RGS6: variants seen among roughly 807,000 people sequenced by gnomAD.
RGS6 encodes regulator of G-protein signaling 6.
Under a neutral mutation model 78.5 loss-of-function variants are expected in RGS6, and 30 were observed. The ratio of observed to expected loss-of-function variants is 0.38; its 90% CI spans 0.29 to 0.52. The LOEUF is 0.52. RGS6 is among the 20% of genes least tolerant of loss of function. The probability of loss-of-function intolerance (pLI) is 0.85; values close to 1 mark genes in which losing one functional copy is unlikely to be tolerated. For missense variants in RGS6, 495 were observed against 609.7 expected, an observed-to-expected ratio of 0.81 and a Z score of 1.98; for synonymous variants, 206 against 206.0, an observed-to-expected ratio of 1.00 and a Z score of 0.00.
the RGS6 span, among the ~76,000 whole-genome samples, chr14:71,890,495 T>C: frequency 6.6e-6 from 1 of 152,118 alleles, no homozygotes; most frequent in African/African-American, 2.4e-5. Context: ...GTCAGATGCT[T>C]TTGATGAGCA....
intron 2 of RGS6, among the ~76,000 whole-genome samples, chr14:72,257,061 G>C (rs1162022494): frequency 1.3e-5 from 2 of 152,160 alleles, no homozygotes; most frequent in Admixed American, 1.3e-4. Flanking sequence ...TTTTGCCAGT[G>C]GTGTTAGAAG....
At chr14:72,110,025 T>C (rs559191207) in intron 2 of RGS6, among the ~76,000 whole-genome samples, 2 of 152,326 alleles carry the variant, frequency 1.3e-5, no homozygotes, top group Non-Finnish European at 2.9e-5. Context: ...CTTTCTGACA[T>C]TGAGTGTGTG....
intron 2 of RGS6, among the ~76,000 whole-genome samples, chr14:72,201,444 C>G (rs972747715): frequency 2.0e-5 from 3 of 152,168 alleles, no homozygotes; most frequent in Admixed American, 2.0e-4. Context: ...GGGGAATTCT[C>G]CCTTAGAATT....
chr14:72,536,804 C>T (rs574853254), intron 16 of RGS6, among the ~76,000 whole-genome samples: 1 of 152,200 alleles, frequency 6.6e-6, no homozygotes, highest in South Asian at 2.1e-4. Context: ...TCCTTGACAC[C>T]CCCTTCCTCT....
the RGS6 span, among the ~76,000 whole-genome samples, chr14:72,618,605 A>G: frequency 6.6e-6 from 1 of 152,042 alleles, no homozygotes; most frequent in Non-Finnish European, 1.5e-5. Context: ...CCTTGGCACC[A>G]TTTCCACAAT....
chr14:71,889,032 T>C, the RGS6 span, among the ~76,000 whole-genome samples: 6 of 152,144 alleles, frequency 3.9e-5, no homozygotes, highest in African/African-American at 1.4e-4. Flanking sequence ...AGATGCATGA[T>C]ATTGTCATGG....
At chr14:71,957,810 G>C (rs2092905395) in intron 1 of RGS6, among the ~76,000 whole-genome samples, 1 of 152,072 alleles carries the variant, frequency 6.6e-6, no homozygotes, top group Non-Finnish European at 1.5e-5. Flanking sequence ...CTGTCGCCCT[G>C]GCTGGAGTGC....
At chr14:72,122,739 CGTT>C (rs2096081595) in intron 2 of RGS6, among the ~76,000 whole-genome samples, 1 of 125,322 alleles carries the variant, frequency 8.0e-6, no homozygotes, top group African/African-American at 3.2e-5. Context: ...TCTAAGTTAT[CGTT>C]TTTTTTTTTT....
At chr14:72,418,359 G>A (rs1442618685) in intron 3 of RGS6, among the ~76,000 whole-genome samples, 3 of 152,048 alleles carry the variant, frequency 2.0e-5, no homozygotes, top group Non-Finnish European at 4.4e-5. Flanking sequence ...TAGAGATGGG[G>A]TTTCACCATG....
At chr14:72,434,343 G>C (rs754750682) in intron 3 of RGS6, among the ~76,000 whole-genome samples, 15 of 152,090 alleles carry the variant, frequency 9.9e-5, no homozygotes, top group Non-Finnish European at 1.9e-4. Context: ...TCTCTAAAAA[G>C]TTTTCATTTT....
chr14:72,514,990 A>G (rs1266585248), intron 14 of RGS6, among the ~76,000 whole-genome samples: 1 of 152,224 alleles, frequency 6.6e-6, no homozygotes. Flanking sequence ...GATGGCCAAC[A>G]CTAACCAAAG....
the RGS6 span, among the ~76,000 whole-genome samples, chr14:71,876,752 T>C: frequency 6.6e-6 from 1 of 152,132 alleles, no homozygotes; most frequent in Non-Finnish European, 1.5e-5. Flanking sequence ...CGTTAGTAGA[T>C]GCAGTTTCTT....
At chr14:72,340,894 T>G (rs939496898) in intron 2 of RGS6, among the ~76,000 whole-genome samples, 2 of 152,188 alleles carry the variant, frequency 1.3e-5, no homozygotes, top group Non-Finnish European at 2.9e-5. Flanking sequence ...CAGAAAGTTA[T>G]GTTCCAGAGG....
chr14:72,273,765 G>A (rs2060281450), intron 2 of RGS6, among the ~76,000 whole-genome samples: 1 of 152,192 alleles, frequency 6.6e-6, no homozygotes, highest in African/African-American at 2.4e-5. Context: ...TTGGGTGGCT[G>A]TGAGCAGATC....
chr14:72,167,574 C>T (rs1489426779), intron 2 of RGS6, among the ~76,000 whole-genome samples: 3 of 152,154 alleles, frequency 2.0e-5, no homozygotes, highest in Non-Finnish European at 4.4e-5. Flanking sequence ...CATAACAGTT[C>T]TCTGAAAGGA....
the RGS6 span, among the ~76,000 whole-genome samples, chr14:71,903,447 G>C: frequency 5.6e-3 from 849 of 152,342 alleles, 7 homozygotes; most frequent in South Asian, 0.022. Flanking sequence ...TCTGGATAAA[G>C]GTCATGGGAA....
chr14:72,069,564 G>A (rs1157678676), intron 2 of RGS6, among the ~76,000 whole-genome samples: 2 of 151,944 alleles, frequency 1.3e-5, no homozygotes, highest in South Asian at 2.1e-4. Flanking sequence ...TTTCAAGACA[G>A]GGTCACATTC....
chr14:72,623,515 T>G, the RGS6 span, among the ~76,000 whole-genome samples: 6 of 152,202 alleles, frequency 3.9e-5, no homozygotes, highest in Admixed American at 3.9e-4. Flanking sequence ...GTTCAGCAAT[T>G]ATATTATTGG....
At chr14:72,069,895 T>C (rs1420325607) in intron 2 of RGS6, among the ~76,000 whole-genome samples, 1 of 152,234 alleles carries the variant, frequency 6.6e-6, no homozygotes, top group Non-Finnish European at 1.5e-5. Flanking sequence ...TATTCACATA[T>C]TTGCCACATT....
Sources: gnomAD v4.1 joint callset for allele counts (sites outside exome capture counted in the v4.1 genomes callset) on GRCh38, gnomAD v4.1.1 for gene constraint, MANE v1.5 for transcripts, NCBI Gene and HGNC (gene_info 2026-07-23, HGNC 2026-07-21) for gene names.